Variants in DNAAF11 observed in about 807,000 individuals in gnomAD.
DNAAF11 encodes the protein leucine rich repeat containing 6.
In DNAAF11, 45 loss-of-function variants were observed where a neutral mutation model predicts 60.8. That is an observed-to-expected ratio of 0.74 (90% CI 0.58 to 0.95). DNAAF11 has a LOEUF of 0.95. Among genes scored for constraint, DNAAF11 ranks in the 40% least tolerant of loss-of-function variants. The pLI, the probability that DNAAF11 is intolerant of heterozygous loss-of-function variation, is 0.00. For missense variants in DNAAF11, 546 were observed against 546.2 expected, an observed-to-expected ratio of 1.00 and a Z score of 0.00; for synonymous variants, 191 against 183.5, an observed-to-expected ratio of 1.04 and a Z score of -0.33.
At chr8:132,617,549 A>G (rs1421916947) in intron 7 of DNAAF11, among the ~76,000 whole-genome samples, 1 of 152,180 alleles carries the variant, frequency 6.6e-6, no homozygotes, top group Non-Finnish European at 1.5e-5. Flanking sequence ...TTAGGCTGAG[A>G]CAATGGGGTT....
the DNAAF11 span, chr8:132,687,517 G>T: frequency 1.1e-5 from 5 of 438,864 alleles, no homozygotes; most frequent in African/African-American, 8.1e-5. Context: ...TCATCTCATC[G>T]CTTCAGACAG....
the DNAAF11 span, among the ~76,000 whole-genome samples, chr8:132,697,553 G>A: frequency 6.6e-6 from 1 of 151,918 alleles, no homozygotes; most frequent in African/African-American, 2.4e-5. Flanking sequence ...GGGAGGAAGA[G>A]GTTGCAGTGA....
chr8:132,696,385 A>AT, the DNAAF11 span, among the ~76,000 whole-genome samples: 18 of 151,464 alleles, frequency 1.2e-4, no homozygotes, highest in East Asian at 5.8e-4. Context: ...AGCAGTTGGC[A>AT]TTTTTTTTTA....
chr8:132,675,430 GGGACTACTTCCACAA>G (rs1266115922), intron 1 of DNAAF11, 39 bp downstream of exon 1: 4 of 1,541,352 alleles, frequency 2.6e-6, no homozygotes, highest in Non-Finnish European at 3.5e-6. Context: ...CACGAGACCC[GGGACTACTTCCACAA>G]GGGGAACGAT....
chr8:132,665,288 T>C (rs1423683546), intron 1 of DNAAF11, among the ~76,000 whole-genome samples: 2 of 152,032 alleles, frequency 1.3e-5, no homozygotes, highest in Non-Finnish European at 2.9e-5. Flanking sequence ...ATGGAGATTA[T>C]AGTGTTTCAT....
At chr8:132,648,564 C>A (rs1285184060) in intron 3 of DNAAF11, among the ~76,000 whole-genome samples, 1 of 152,168 alleles carries the variant, frequency 6.6e-6, no homozygotes, top group African/African-American at 2.4e-5. Flanking sequence ...AAGAGGAAGT[C>A]AAATTGTCCC....
At chr8:132,700,982 T>G in the DNAAF11 span, among the ~76,000 whole-genome samples, 2 of 152,158 alleles carry the variant, frequency 1.3e-5, no homozygotes, top group Non-Finnish European at 2.9e-5. Context: ...AAGTTCAAGA[T>G]CGAGGGGTTG....
chr8:132,647,736 T>C (rs915653089), intron 3 of DNAAF11, among the ~76,000 whole-genome samples: 2 of 151,716 alleles, frequency 1.3e-5, no homozygotes, highest in Non-Finnish European at 2.9e-5. Flanking sequence ...TATAAACACC[T>C]CTACGCAAAT....
chr8:132,698,084 C>A, the DNAAF11 span, among the ~76,000 whole-genome samples: 1 of 152,178 alleles, frequency 6.6e-6, no homozygotes, highest in African/African-American at 2.4e-5. Context: ...CAGTGGTTGA[C>A]AATTGACCTC....
At chr8:132,674,557 C>A (rs1432490448) in intron 1 of DNAAF11, among the ~76,000 whole-genome samples, 1 of 152,256 alleles carries the variant, frequency 6.6e-6, no homozygotes, top group East Asian at 1.9e-4. Flanking sequence ...AAATAACTTA[C>A]CCGCATCACC....
chr8:132,666,450 A>G (rs1297841324), intron 1 of DNAAF11, among the ~76,000 whole-genome samples: 1 of 151,988 alleles, frequency 6.6e-6, no homozygotes, highest in Non-Finnish European at 1.5e-5. Flanking sequence ...TTAAAAAGTA[A>G]AAAAAAAGAT....
chr8:132,643,684 C>T (rs1822079388), intron 3 of DNAAF11: 1 of 456,068 alleles, frequency 2.2e-6, no homozygotes, highest in Non-Finnish European at 4.4e-6. Flanking sequence ...CAATAGATGA[C>T]ATCTAAAATA....
At chr8:132,685,905 CT>C in the DNAAF11 span, among the ~76,000 whole-genome samples, 6 of 152,036 alleles carry the variant, frequency 3.9e-5, no homozygotes, top group South Asian at 2.1e-4. Context: ...TCCAATGACC[CT>C]TTTTTTTCCC....
chr8:132,582,752 G>C (rs911523774), intron 11 of DNAAF11, among the ~76,000 whole-genome samples: 1 of 152,158 alleles, frequency 6.6e-6, no homozygotes, highest in Admixed American at 6.5e-5. Context: ...CATATATATA[G>C]CTCTTGTTCA....
Position 132,579,613 on chromosome 8 carries a change from T to C in DNAAF11, c.1226+4081A>G, listed in dbSNP as rs535529007. Among the ~76,000 whole-genome samples, 3 of 152,322 alleles carry C rather than the reference T, an allele frequency of 2.0e-5. No homozygotes were observed. The South Asian group carries it at 6.2e-4, about 32-fold the overall frequency. ...GTATTCCCAGCACATTCCACAGTTA[T>C]TCTTGTCAACTACAACTAAGAAAGT... On this transcript the variant is annotated intron_variant, in intron 11 of 11. Coordinates refer to ENST00000620350, the MANE Select transcript of DNAAF11 (RefSeq NM_012472.6).
intron 2 of DNAAF11, among the ~76,000 whole-genome samples, chr8:132,657,121 T>C (rs993682608): frequency 6.6e-6 from 1 of 152,146 alleles, no homozygotes; most frequent in African/African-American, 2.4e-5. Flanking sequence ...ACACCCAGTT[T>C]TGCTCATGTC....
intron 3 of DNAAF11, among the ~76,000 whole-genome samples, chr8:132,646,745 G>T (rs1159048231): frequency 6.6e-6 from 1 of 152,176 alleles, no homozygotes; most frequent in Non-Finnish European, 1.5e-5. Flanking sequence ...AAGAGACAAA[G>T]AAGGCCATTA....
chr8:132,669,892 G>T (rs1265754060), intron 1 of DNAAF11, among the ~76,000 whole-genome samples: 1 of 138,536 alleles, frequency 7.2e-6, no homozygotes, highest in African/African-American at 2.7e-5. Context: ...AGTAAGCTGA[G>T]ATCGTGCCAC....
At chr8:132,585,208 C>T (rs1815763333) in intron 10 of DNAAF11, among the ~76,000 whole-genome samples, 1 of 152,182 alleles carries the variant, frequency 6.6e-6, no homozygotes, top group South Asian at 2.1e-4. Flanking sequence ...GATGGATGCC[C>T]ACTCCTAGAT....
Sources: gnomAD v4.1 joint callset for allele counts (sites outside exome capture counted in the v4.1 genomes callset) on GRCh38, gnomAD v4.1.1 for gene constraint, MANE v1.5 for transcripts, NCBI Gene and HGNC (gene_info 2026-07-23, HGNC 2026-07-21) for gene names.